The following GATAD1 variants were observed in gnomAD, a reference collection of about 807,000 sequenced individuals.
The protein encoded by GATAD1 is GATA zinc finger domain containing 1.
Under a neutral mutation model 26.5 loss-of-function variants are expected in GATAD1, and 12 were observed. The ratio of observed to expected loss-of-function variants is 0.45; its 90% CI spans 0.29 to 0.73. The LOEUF (loss-of-function observed/expected upper bound fraction) is 0.73. GATAD1 is among the 30% of genes least tolerant of loss of function. The pLI is 0.10. For synonymous variants in GATAD1, 129 were observed against 133.1 expected (o/e 0.97, Z 0.21); for missense variants, 266 against 342.1 (o/e 0.78, Z 1.75).
the GATAD1 span, among the ~76,000 whole-genome samples, chr7:92,492,265 T>C: frequency 6.6e-6 from 1 of 152,072 alleles, no homozygotes; most frequent in Non-Finnish European, 1.5e-5. Context: ...CCACAGCCTC[T>C]CCCAAGAAGC....
At chr7:92,483,644 G>A in the GATAD1 span, among the ~76,000 whole-genome samples, 40 of 152,354 alleles carry the variant, frequency 2.6e-4, 1 homozygote, top group Admixed American at 1.4e-3. Context: ...GAGCGTAAAC[G>A]CTAACTGATT....
At chr7:92,495,488 A>G in the GATAD1 span, among the ~76,000 whole-genome samples, 2 of 152,144 alleles carry the variant, frequency 1.3e-5, no homozygotes, top group Admixed American at 6.5e-5. Context: ...TTCTAACTCA[A>G]TTTTTACTAA....
At chr7:92,490,677 C>T in the GATAD1 span, among the ~76,000 whole-genome samples, 2 of 131,002 alleles carry the variant, frequency 1.5e-5, no homozygotes, top group Non-Finnish European at 1.7e-5. Flanking sequence ...AGCAAATGTA[C>T]AAAAAACCAG....
downstream of GATAD1, among the ~76,000 whole-genome samples, chr7:92,460,549 C>T (rs552563234): frequency 3.2e-4 from 48 of 152,130 alleles, no homozygotes; most frequent in African/African-American, 9.4e-4. Context: ...CTCGTAGTAG[C>T]GGAAAGGTTC....
chr7:92,483,342 G>A, the GATAD1 span, among the ~76,000 whole-genome samples: 3 of 152,204 alleles, frequency 2.0e-5, no homozygotes, highest in Non-Finnish European at 4.4e-5. Flanking sequence ...ATGTGGCTGG[G>A]GTTTCTCTCA....
the GATAD1 span, among the ~76,000 whole-genome samples, chr7:92,466,862 G>C: frequency 6.6e-6 from 1 of 152,092 alleles, no homozygotes; most frequent in Admixed American, 6.6e-5. Context: ...TTTATAGCTT[G>C]GTGCAAGGTA....
At chr7:92,452,629 C>T (rs1015434113) in intron 3 of GATAD1, among the ~76,000 whole-genome samples, 38 of 152,228 alleles carry the variant, frequency 2.5e-4, no homozygotes, top group African/African-American at 8.7e-4. Context: ...AACCTTGAAT[C>T]CTCTCAGCAA....
chr7:92,493,102 G>A, the GATAD1 span: 3 of 1,607,264 alleles, frequency 1.9e-6, no homozygotes, highest in Non-Finnish European at 2.6e-6. Context: ...GAGTCACTGA[G>A]GACATTTAAA....
chr7:92,448,330 T>G (rs1216344971), intron 1 of GATAD1, among the ~76,000 whole-genome samples: 1 of 152,236 alleles, frequency 6.6e-6, no homozygotes, highest in African/African-American at 2.4e-5. Flanking sequence ...ATTATGTCAT[T>G]ATTGTAAATG....
At position 92,454,305 on chromosome 7, in the gene GATAD1, G is replaced by A. The variant is rs182863058; in HGVS notation, c.436-197G>A. 538 of 556,966 alleles carry A rather than the reference G, an allele frequency of 9.7e-4. 3 individuals carry two copies. Among genetic ancestry groups the A allele is most frequent in the Middle Eastern group, 5.2e-3 (11 of 2,122 alleles). 34.5% of individuals were successfully genotyped at this position (556,966 alleles called of 1,614,324 possible). A position where few individuals can be genotyped will look rare whatever the true frequency, so the allele number is the denominator to read the frequency against. ...TGTAAACTGTCATATATGCACCCTCGTATGTGTATGTATAATTTTCATTCA... is the reference window on the plus strand; with the variant it reads ...TGTAAACTGTCATATATGCACCCTCATATGTGTATGTATAATTTTCATTCA... On this transcript the variant is annotated intron_variant, in intron 3 of 4. Transcript: ENST00000287957.
the GATAD1 span, chr7:92,490,004 C>T: frequency 4.1e-6 from 4 of 981,880 alleles, no homozygotes; most frequent in African/African-American, 6.5e-5. Flanking sequence ...ACATTTTAAG[C>T]AATAAAACAT....
rs1453120737 is a variant in GATAD1 at position 92,456,638 on chromosome 7, C to G, written c.*76C>G. On this transcript the variant is annotated 3_prime_UTR_variant, in exon 5 of 5. Transcript: ENST00000287957. ...TAGCCCCAGCTATTGCACCACTGCT[C>G]TCCAAGCTGGGCAATGGAGTCAGAT... The G allele has an allele frequency of 1.8e-5, 15 of 848,484 alleles. No homozygotes were observed. The highest frequency in any genetic ancestry group is 7.4e-5 in the Admixed American group (3 of 40,566). The allele number at this position is 848,484 out of a possible 1,614,324, so 52.6% of individuals were successfully genotyped here.
chr7:92,489,715 C>CCA, the GATAD1 span: 1 of 1,611,924 alleles, frequency 6.2e-7, no homozygotes, highest in Non-Finnish European at 8.5e-7. Flanking sequence ...AAGCCATACT[C>CCA]CACTTTGGCT....
Position 92,447,866 on chromosome 7 carries a change from CGG to C in GATAD1, c.141_142del (p.Ala48GlyfsTer37). ...GGCGCGGGCAGCGGGGGCGCAGGCT[CGG>C]GGGCGGCTGGAGGGACTGGGGGCAG... On this transcript the variant is annotated frameshift_variant, in exon 1 of 5. Coordinates refer to ENST00000287957, the MANE Select transcript of GATAD1 (RefSeq NM_021167.5). LOFTEE classifies it high-confidence loss of function. The C allele has an allele frequency of 7.3e-7, 1 of 1,361,318 alleles. No individual in the cohort carries two copies. The highest frequency in any genetic ancestry group is 9.5e-7 in the Non-Finnish European group (1 of 1,053,120). The allele number at this position is 1,361,318 out of a possible 1,614,324, so 84.3% of individuals were successfully genotyped here.
At chr7:92,488,357 A>G in the GATAD1 span, among the ~76,000 whole-genome samples, 95 of 152,298 alleles carry the variant, frequency 6.2e-4, no homozygotes, top group African/African-American at 2.2e-3. Context: ...TAACGTATGT[A>G]CACATACATA....
the GATAD1 span, chr7:92,494,612 G>A: frequency 6.2e-7 from 1 of 1,613,922 alleles, no homozygotes; most frequent in Non-Finnish European, 8.5e-7. Flanking sequence ...AAGAATGCAG[G>A]GCTTTGCAGC....
chr7:92,487,452 A>G, the GATAD1 span: 1 of 1,495,870 alleles, frequency 6.7e-7, no homozygotes, highest in East Asian at 2.3e-5. Flanking sequence ...AAAAAGAAGT[A>G]TATTTTATGC....
the GATAD1 span, among the ~76,000 whole-genome samples, chr7:92,479,747 A>G: frequency 6.6e-6 from 1 of 152,112 alleles, no homozygotes; most frequent in African/African-American, 2.4e-5. Flanking sequence ...AGTGGGAGAG[A>G]TTAAGCTGAA....
intron 4 of GATAD1, among the ~76,000 whole-genome samples, chr7:92,455,808 C>A (rs1235085966): frequency 6.6e-6 from 1 of 152,210 alleles, no homozygotes; most frequent in African/African-American, 2.4e-5. Flanking sequence ...TTTACCTTAT[C>A]TATGGATCAG....
Sources: allele counts gnomAD v4.1 joint callset (sites outside exome capture counted in the v4.1 genomes callset), GRCh38; gene constraint gnomAD v4.1.1; transcripts MANE v1.5; gene names NCBI Gene and HGNC (gene_info 2026-07-23, HGNC 2026-07-21).